Variants in C1orf159 observed in about 807,000 individuals in gnomAD.
The protein encoded by C1orf159 is chromosome 1 open reading frame 159, also known as uncharacterized protein C1orf159.
Under a neutral mutation model 25.6 loss-of-function variants are expected in C1orf159, and 19 were observed. The observed-to-expected ratio is 0.74, with a 90% CI of 0.52 to 1.09. The LOEUF (loss-of-function observed/expected upper bound fraction) is 1.09. Ranked by LOEUF, C1orf159 falls within the 50% of genes least tolerant of loss-of-function variation. The pLI, the probability that C1orf159 is intolerant of heterozygous loss-of-function variation, is 0.00. For missense variants in C1orf159, 274 were observed against 290.6 expected (o/e 0.94, Z 0.42); for synonymous variants, 139 against 124.7 (o/e 1.12, Z -0.77).
intron 1 of C1orf159, among the ~76,000 whole-genome samples, chr1:1,109,658 G>A (rs1646230979): frequency 6.6e-6 from 1 of 151,818 alleles, no homozygotes; most frequent in Non-Finnish European, 1.5e-5. Context: ...TGGTAAAAAG[G>A]GTGTCTTGCT....
intron 3 of C1orf159, 36 bp from the exon 4 acceptor site, chr1:1,090,464 C>T (rs866575703): frequency 6.5e-7 from 1 of 1,547,384 alleles, no homozygotes. Context: ...CCAGGACGCG[C>T]CTGCCAGGCA....
chr1:1,091,459 G>A lies in C1orf159; in HGVS notation c.72+13C>T. The A allele has an allele frequency of 1.3e-6, 2 of 1,549,762 alleles. No individual in the cohort carries two copies. The highest frequency in any genetic ancestry group is 1.7e-6 in the Non-Finnish European group (2 of 1,146,362). On this transcript the variant is annotated intron_variant, in intron 3 of 9. Transcript: ENST00000421241. The stretch of plus-strand genomic sequence containing the variant: ...TGGCTTAGGCCGCGTGGACACGTGA[G>A]GGGGGCACCTACCGTGTTCTCCATG...
intron 1 of C1orf159, among the ~76,000 whole-genome samples, chr1:1,093,515 G>A (rs1304310361): frequency 6.6e-6 from 1 of 152,202 alleles, no homozygotes; most frequent in Non-Finnish European, 1.5e-5. Flanking sequence ...GCCCCCACAA[G>A]CCCGGGCTCC....
intron 9 of C1orf159, 129 bp from the exon 10 acceptor site, chr1:1,083,116 AC>A: frequency 5.5e-6 from 4 of 721,250 alleles, no homozygotes; most frequent in South Asian, 2.0e-5. Flanking sequence ...GTTTACTCTG[AC>A]CAGGTGGGAA....
At position 1,105,742 on chromosome 1, in the gene C1orf159, C is replaced by T. The variant is rs183325242; in HGVS notation, c.-136+10318G>A. Among the ~76,000 whole-genome samples the T allele has an allele frequency of 4.7e-4, 72 of 151,836 alleles. No homozygotes were observed. The East Asian group carries it at 0.011, about 23-fold the overall frequency. On this transcript the variant is annotated intron_variant, in intron 1 of 9. Transcript: ENST00000421241. ...TTAAAACACAAAAAAATTAGCTGGGCGGGCGCCTGTAGTCCCAGCTACTCG... is the reference window on the plus strand; with the variant it reads ...TTAAAACACAAAAAAATTAGCTGGGTGGGCGCCTGTAGTCCCAGCTACTCG...
rs184807889 is a variant in C1orf159, at chr1:1,083,487, C to T, written c.503-500G>A. The stretch of plus-strand genomic sequence containing the variant: ...GAAGACGCAGAGGTGGGGGAGACGC[C>T]GTGGGACCAGGGGACAGAGACGGGC... On this transcript the variant is annotated intron_variant, in intron 9 of 9. Coordinates refer to ENST00000421241, the MANE Select transcript of C1orf159 (RefSeq NM_017891.5). 8.9e-4 allele frequency: 194 copies of T among 218,162 alleles called. 1 individual carries two copies. Among genetic ancestry groups the T allele is most frequent in the Admixed American group, 3.0e-3 (57 of 19,174 alleles). 13.5% of individuals were successfully genotyped at this position (218,162 alleles called of 1,614,324 possible).
Position 1,116,075 on chromosome 1 carries a change from G to A in C1orf159, c.-151C>T, listed in dbSNP as rs1231984238. ...CCTCACTCACCCCGGCGCCCTCCGG[G>A]TTTCTCTTTCGTACACCCCGCCCTC... On this transcript the variant is annotated 5_prime_UTR_variant, in exon 1 of 10. Transcript: ENST00000421241. The surrounding 1 kb of genome is among the most constrained non-coding windows in gnomAD (Gnocchi z 4.8). The A allele has an allele frequency of 6.6e-6, 1 of 152,090 alleles. No individual in the cohort carries two copies. Among genetic ancestry groups the A allele is most frequent in the Non-Finnish European group, 1.5e-5 (1 of 68,056 alleles). 9.4% of individuals were successfully genotyped at this position (152,090 alleles called of 1,614,324 possible).
At chr1:1,098,255 G>T (rs974905317) in intron 1 of C1orf159, among the ~76,000 whole-genome samples, 3 of 151,972 alleles carry the variant, frequency 2.0e-5, no homozygotes, top group Admixed American at 6.6e-5. Context: ...ACTTTTAGTA[G>T]AGATGGGGTT....
intron 1 of C1orf159, among the ~76,000 whole-genome samples, chr1:1,115,431 G>C (rs566726796): frequency 2.0e-3 from 311 of 151,912 alleles, no homozygotes; most frequent in African/African-American, 6.8e-3. Flanking sequence ...CCCGGCTGCC[G>C]GGAAGGCGAG....
chr1:1,088,748 C>A (rs1330745128), intron 4 of C1orf159, among the ~76,000 whole-genome samples: 1 of 152,170 alleles, frequency 6.6e-6, no homozygotes, highest in African/African-American at 2.4e-5. Context: ...ACGCCTCGAC[C>A]CTTCCTCACA....
chr1:1,112,421 C>T (rs113211873), intron 1 of C1orf159, among the ~76,000 whole-genome samples: 8 of 150,756 alleles, frequency 5.3e-5, no homozygotes, highest in Non-Finnish European at 8.9e-5. Flanking sequence ...ACAACGCACA[C>T]GCTCCCTCCC....
Position 1,090,365 on chromosome 1 carries a change from GA to G in C1orf159, c.135del (p.Leu46CysfsTer46). The G allele has an allele frequency of 6.4e-7, 1 of 1,550,552 alleles. No individual in the cohort carries two copies. Among genetic ancestry groups the G allele is most frequent in the Non-Finnish European group, 8.7e-7 (1 of 1,146,962 alleles). ...CAAAGCGGCTTACCTGGACCACACA[GA>G]CTTGCGCCTGGGCAGCTGGCGTTGA... ...VGVNASCPGA[S>X]LCGPGCYRRW... On this transcript the variant is annotated frameshift_variant, in exon 4 of 10. Transcript: ENST00000421241. LOFTEE classifies it high-confidence loss of function.
At position 1,087,328 on chromosome 1, in the gene C1orf159, T is replaced by C. The variant is rs1223374272; in HGVS notation, c.245-124A>G. 3.3e-6 allele frequency: 4 copies of C among 1,208,808 alleles called. No homozygotes were observed. The East Asian group carries it at 1.0e-4, about 31-fold the overall frequency. 74.9% of individuals were successfully genotyped at this position (1,208,808 alleles called of 1,614,324 possible). A position where few individuals can be genotyped will look rare whatever the true frequency, so the allele number is the denominator to read the frequency against. ...AGGGGCTGAGGGGGCGGAGCAGCCC[T>C]CACCACAGAGCTGTCCCGAATGGCC... On this transcript the variant is annotated intron_variant, in intron 5 of 9. Coordinates refer to ENST00000421241, the MANE Select transcript of C1orf159 (RefSeq NM_017891.5). The surrounding 1 kb of genome is among the most constrained non-coding windows in gnomAD (Gnocchi z 8.3).
intron 1 of C1orf159, among the ~76,000 whole-genome samples, chr1:1,093,254 C>T (rs1178861039): frequency 6.6e-6 from 1 of 152,200 alleles, no homozygotes; most frequent in Non-Finnish European, 1.5e-5. Context: ...CCTTCTGCTC[C>T]CTCTCTGGTT....
At chr1:1,084,563 C>T in intron 7 of C1orf159, 57 bp from the exon 8 acceptor site, 1 of 1,545,390 alleles carries the variant, frequency 6.5e-7, no homozygotes, top group South Asian at 1.2e-5. Context: ...TCAACCTCAG[C>T]CCAGTGCAGC....
intron 2 of C1orf159, 21 bp downstream of exon 2, chr1:1,091,970 G>C (rs1021086531): frequency 4.4e-6 from 2 of 458,090 alleles, no homozygotes; most frequent in Non-Finnish European, 8.7e-6. Context: ...CGGGTGGGGC[G>C]AGGTGTAGGC....
At chr1:1,093,626 G>A (rs936102499) in intron 1 of C1orf159, among the ~76,000 whole-genome samples, 2 of 152,340 alleles carry the variant, frequency 1.3e-5, no homozygotes, top group Admixed American at 6.5e-5. Flanking sequence ...TGTTTTATCC[G>A]CACTTTCTTC....
chr1:1,093,481 A>G, intron 1 of C1orf159, among the ~76,000 whole-genome samples: 1 of 152,358 alleles, frequency 6.6e-6, no homozygotes, highest in South Asian at 2.1e-4. Context: ...GCCCGGTCCC[A>G]CACAGCTGCC....
In C1orf159 at chr1:1,089,105, C is replaced by A. The variant is rs1342061468; in HGVS notation, c.148+1248G>T. ...CTGCCTCCCCGAGCGGAGACGTGAC[C>A]TGGCTTGGGGCCGCACGCAGGGGGA... On this transcript the variant is annotated intron_variant, in intron 4 of 9. Transcript: ENST00000421241. This position sits in a 1 kb window ranked among gnomAD's most constrained non-coding sequence, Gnocchi z 7.5. Among the ~76,000 whole-genome samples, 1 of 152,214 alleles carries A rather than the reference C, an allele frequency of 6.6e-6. No homozygotes were observed. The highest frequency in any genetic ancestry group is 1.5e-5 in the Non-Finnish European group (1 of 68,022).
Sources: gnomAD v4.1 joint callset for allele counts (sites outside exome capture counted in the v4.1 genomes callset) on GRCh38, gnomAD v4.1.1 for gene constraint, Gnocchi (gnomAD v3.1) non-coding constraint, MANE v1.5 for transcripts, NCBI Gene and HGNC (gene_info 2026-07-23, HGNC 2026-07-21) for gene names.